The following DNAAF11 variants were observed in gnomAD, a reference collection of about 807,000 sequenced individuals.
The protein encoded by DNAAF11 is dynein axonemal assembly factor 11, also known as leucine rich repeat containing 6.
In DNAAF11, 45 loss-of-function variants were observed where a neutral mutation model predicts 60.8. The observed-to-expected ratio is 0.74, with a 90% confidence interval of 0.58 to 0.95. The LOEUF (loss-of-function observed/expected upper bound fraction) is 0.95, where lower values mean the gene tolerates loss of function less well. Among genes scored for constraint, DNAAF11 ranks in the 40% least tolerant of loss-of-function variants. The pLI is 0.00. For missense variants in DNAAF11, 546 were observed against 546.2 expected (o/e 1.00, Z 0.00); for synonymous variants, 191 against 183.5 (o/e 1.04, Z -0.33).
chr8:132,594,220 G>A (rs1379171442), intron 10 of DNAAF11, among the ~76,000 whole-genome samples: 1 of 152,106 alleles, frequency 6.6e-6, no homozygotes, highest in African/African-American at 2.4e-5. Context: ...CAGAAGGCAA[G>A]TACTATTCCA....
At chr8:132,697,338 C>T in the DNAAF11 span, among the ~76,000 whole-genome samples, 1 of 152,146 alleles carries the variant, frequency 6.6e-6, no homozygotes, top group African/African-American at 2.4e-5. Flanking sequence ...CTCAATAAAG[C>T]AGTTTTTAAA....
chr8:132,662,446 G>C (rs1000704354), intron 1 of DNAAF11, among the ~76,000 whole-genome samples: 1 of 152,168 alleles, frequency 6.6e-6, no homozygotes, highest in African/African-American at 2.4e-5. Flanking sequence ...GAGGAACCAG[G>C]CATTTCCCAC....
chr8:132,595,243 G>T (rs1436483478), intron 10 of DNAAF11, among the ~76,000 whole-genome samples: 5 of 150,836 alleles, frequency 3.3e-5, no homozygotes, highest in African/African-American at 4.9e-5. Context: ...CAAGGTTCCA[G>T]AAACTTATTG....
intron 1 of DNAAF11, 190 bp downstream of exon 1, chr8:132,675,294 C>T (rs1825682367): frequency 5.4e-6 from 3 of 559,150 alleles, no homozygotes; most frequent in Non-Finnish European, 9.6e-6. Flanking sequence ...AAAGGCCAGG[C>T]TGTCCGGCCA....
At chr8:132,684,756 G>A in the DNAAF11 span, among the ~76,000 whole-genome samples, 36 of 152,352 alleles carry the variant, frequency 2.4e-4, no homozygotes, top group African/African-American at 8.4e-4. Context: ...CATAATTCAT[G>A]TGAGCTCCCC....
chr8:132,666,633 C>A (rs1366205926), intron 1 of DNAAF11, among the ~76,000 whole-genome samples: 1 of 152,126 alleles, frequency 6.6e-6, no homozygotes, highest in East Asian at 1.9e-4. Context: ...GCACACATGA[C>A]AATTAACCAG....
intron 11 of DNAAF11, among the ~76,000 whole-genome samples, chr8:132,572,692 A>G (rs1215041787): frequency 2.6e-5 from 4 of 152,082 alleles, no homozygotes; most frequent in Non-Finnish European, 5.9e-5. Context: ...TTCTAAAAAA[A>G]AAAAAAAAAG....
chr8:132,653,346 TGA>T (rs891357802), intron 3 of DNAAF11, among the ~76,000 whole-genome samples: 1 of 152,076 alleles, frequency 6.6e-6, no homozygotes, highest in African/African-American at 2.4e-5. Context: ...TAGACAAAAA[TGA>T]GAGTTTTTCA....
At chr8:132,695,602 A>G in the DNAAF11 span, among the ~76,000 whole-genome samples, 1 of 152,160 alleles carries the variant, frequency 6.6e-6, no homozygotes, top group Non-Finnish European at 1.5e-5. Context: ...GAGGTACTGA[A>G]GCTTTGAGGA....
At chr8:132,645,695 G>A (rs1459811400) in intron 3 of DNAAF11, among the ~76,000 whole-genome samples, 2 of 152,132 alleles carry the variant, frequency 1.3e-5, no homozygotes, top group South Asian at 2.1e-4. Flanking sequence ...AGTGATGCAT[G>A]TACAAGCTTC....
the DNAAF11 span, among the ~76,000 whole-genome samples, chr8:132,695,141 T>C: frequency 2.0e-5 from 3 of 152,090 alleles, no homozygotes; most frequent in Non-Finnish European, 2.9e-5. Flanking sequence ...AAATCCTAAT[T>C]GGGGTGGGTT....
At chr8:132,578,214 A>G (rs1407149542) in intron 11 of DNAAF11, among the ~76,000 whole-genome samples, 1 of 152,168 alleles carries the variant, frequency 6.6e-6, no homozygotes, top group Non-Finnish European at 1.5e-5. Context: ...GGTCTCAGTA[A>G]TAAGCCATGA....
At chr8:132,648,570 G>A (rs1035873662) in intron 3 of DNAAF11, among the ~76,000 whole-genome samples, 2 of 152,170 alleles carry the variant, frequency 1.3e-5, no homozygotes, top group Admixed American at 6.5e-5. Context: ...AAGTCAAATT[G>A]TCCCTGTGTG....
chr8:132,618,206 C>T (rs1174604477), intron 7 of DNAAF11, among the ~76,000 whole-genome samples: 1 of 148,498 alleles, frequency 6.7e-6, no homozygotes, highest in Non-Finnish European at 1.5e-5. Flanking sequence ...AAAGGATTCC[C>T]TATTTAATAA....
chr8:132,609,054 A>G (rs542093947), intron 10 of DNAAF11, among the ~76,000 whole-genome samples: 6 of 151,920 alleles, frequency 3.9e-5, no homozygotes, highest in Non-Finnish European at 7.4e-5. Context: ...TGGTTTATCT[A>G]CTCTTCCCCT....
At chr8:132,618,739 C>A (rs1330868201) in intron 7 of DNAAF11, among the ~76,000 whole-genome samples, 1 of 151,806 alleles carries the variant, frequency 6.6e-6, no homozygotes, top group African/African-American at 2.4e-5. Flanking sequence ...AAATCAAAAC[C>A]ACAATGAGAT....
chr8:132,673,096 T>C (rs1825344522), intron 1 of DNAAF11, among the ~76,000 whole-genome samples: 1 of 152,128 alleles, frequency 6.6e-6, no homozygotes, highest in Admixed American at 6.5e-5. Flanking sequence ...AAAGGGTTTG[T>C]GGCACAGCAA....
intron 10 of DNAAF11, among the ~76,000 whole-genome samples, chr8:132,602,104 A>T (rs2129746167): frequency 6.6e-6 from 1 of 152,068 alleles, no homozygotes; most frequent in Non-Finnish European, 1.5e-5. Flanking sequence ...TGCTCTCTTC[A>T]GCTATGTCTA....
At chr8:132,620,760 T>C (rs1202609655) in intron 7 of DNAAF11, among the ~76,000 whole-genome samples, 2 of 152,052 alleles carry the variant, frequency 1.3e-5, no homozygotes, top group Admixed American at 1.3e-4. Flanking sequence ...ACGTGGTTGT[T>C]TGAGTGGAGG....
Sources: gnomAD v4.1 joint callset for allele counts (sites outside exome capture counted in the v4.1 genomes callset) on GRCh38, gnomAD v4.1.1 for gene constraint, MANE v1.5 for transcripts, NCBI Gene and HGNC (gene_info 2026-07-23, HGNC 2026-07-21) for gene names.